OSBPL9: variants seen among roughly 807,000 people sequenced by gnomAD.
OSBPL9 encodes the protein oxysterol-binding protein-related protein 9.
In OSBPL9, 40 loss-of-function variants were observed where a neutral mutation model predicts 106.6. The ratio of observed to expected loss-of-function variants is 0.38; its 90% CI spans 0.29 to 0.49. The LOEUF is 0.49. OSBPL9 is among the 20% of genes least tolerant of loss of function. The pLI, the probability that OSBPL9 is intolerant of heterozygous loss-of-function variation, is 0.97. For missense variants in OSBPL9, 609 were observed against 887.2 expected, an observed-to-expected ratio of 0.69 and a Z score of 3.98; for synonymous variants, 269 against 295.4, an observed-to-expected ratio of 0.91 and a Z score of 0.92.
intron 4 of OSBPL9, among the ~76,000 whole-genome samples, chr1:51,717,528 C>T (rs1571294743): frequency 6.6e-6 from 1 of 152,148 alleles, no homozygotes; most frequent in East Asian, 1.9e-4. Flanking sequence ...CCAGTGGAGA[C>T]CTTCTGGTCT....
At chr1:51,707,576 C>G (rs1056699556) in intron 3 of OSBPL9, 1 of 179,550 alleles carries the variant, frequency 5.6e-6, no homozygotes, top group South Asian at 1.2e-4. Flanking sequence ...GAGGTACCAT[C>G]TACCCACATC....
intron 8 of OSBPL9, 73 bp from the exon 9 acceptor site, chr1:51,756,247 C>T: frequency 7.7e-7 from 1 of 1,300,278 alleles, no homozygotes; most frequent in Admixed American, 1.8e-5. Context: ...AATAAGCTTT[C>T]TTGTAGGAGA....
intron 2 of OSBPL9, among the ~76,000 whole-genome samples, chr1:51,666,150 C>G (rs547435204): frequency 6.6e-6 from 1 of 152,068 alleles, no homozygotes; most frequent in South Asian, 2.1e-4. Context: ...ACCCGGCCTC[C>G]GGAGAAGTTC....
chr1:51,564,052 C>CAAAAAAAAAAAAAAAAAAAAAAAA, the OSBPL9 span, among the ~76,000 whole-genome samples: 10 of 27,376 alleles, frequency 3.7e-4, no homozygotes, highest in East Asian at 1.7e-3. Context: ...GAGATCATCT[C>CAAAAAAAAAAAAAAAAAAAAAAAA]AAAAAAAAAA....
chr1:51,606,246 C>A (rs1156357502), intron 2 of OSBPL9, among the ~76,000 whole-genome samples: 1 of 152,128 alleles, frequency 6.6e-6, no homozygotes, highest in East Asian at 1.9e-4. Flanking sequence ...TTGCCCAGAG[C>A]ACCTTTATCC....
intron 3 of OSBPL9, among the ~76,000 whole-genome samples, chr1:51,702,419 C>G (rs1177489433): frequency 1.3e-5 from 2 of 151,998 alleles, no homozygotes; most frequent in African/African-American, 4.8e-5. Flanking sequence ...CATTTTTTCA[C>G]GTGTCTGTTG....
chr1:51,776,751 T>G, intron 14 of OSBPL9, 82 bp from the exon 15 acceptor site: 2 of 963,266 alleles, frequency 2.1e-6, no homozygotes, highest in Non-Finnish European at 3.2e-6. Context: ...TGGTGTTTTG[T>G]TTTGTTTTCT....
At chr1:51,684,785 C>T (rs531853379) in intron 3 of OSBPL9, among the ~76,000 whole-genome samples, 3 of 152,228 alleles carry the variant, frequency 2.0e-5, no homozygotes, top group South Asian at 4.1e-4. Context: ...CTGCCCACCT[C>T]GGCCTCCCAA....
rs199660329 is a variant in OSBPL9, at chr1:51,609,517, T to TC, written c.-352-4788_-352-4787insC. On this transcript the variant is annotated intron_variant, in intron 2 of 25. Coordinates refer to the OSBPL9 transcript ENST00000371714. ...TGCCACCATGCCTGGCTTTTTTTTT[T>TC]TTTTTTGGTAGAGACAGGGTCTGGC... 1.9e-3 allele frequency among the ~76,000 whole-genome samples: 283 copies of TC among 150,804 alleles called. 7 individuals are homozygous for TC. In the East Asian group the frequency reaches 0.036, roughly 19 times the overall value.
At chr1:51,629,274 T>C (rs1453349500) in intron 1 of OSBPL9, among the ~76,000 whole-genome samples, 2 of 152,210 alleles carry the variant, frequency 1.3e-5, no homozygotes, top group African/African-American at 2.4e-5. Flanking sequence ...TGTTTCTGTC[T>C]TGTATGAATA....
rs763328540 is a variant in OSBPL9, at chr1:51,787,689, C to G, written c.2137-26C>G. ...ACAGAAGTACAAAGCAAATATGTAA[C>G]TAAATTCTTCCTCTTTGTCTTACAG... On this transcript the variant is annotated intron_variant, in intron 23 of 23. Transcript: ENST00000428468. 3.1e-6 allele frequency: 5 copies of G among 1,606,016 alleles called. No homozygotes were observed. The East Asian group carries it at 1.1e-4, about 36-fold the overall frequency.
the OSBPL9 span, among the ~76,000 whole-genome samples, chr1:51,559,981 A>C: frequency 2.6e-5 from 4 of 151,710 alleles, no homozygotes; most frequent in South Asian, 8.3e-4. Context: ...ACCCTTCCCC[A>C]CTCCCCAACA....
chr1:51,785,581 G>T, intron 20 of OSBPL9: 2 of 529,164 alleles, frequency 3.8e-6, no homozygotes, highest in Admixed American at 7.4e-5. Flanking sequence ...AGAATAGGAC[G>T]TTCTTGCCCA....
the OSBPL9 span, among the ~76,000 whole-genome samples, chr1:51,530,724 A>T: frequency 6.6e-6 from 1 of 151,776 alleles, no homozygotes; most frequent in African/African-American, 2.4e-5. Flanking sequence ...ATGGCCTGGC[A>T]CAGTGGCTCA....
chr1:51,684,555 G>A (rs1169428573), intron 3 of OSBPL9, among the ~76,000 whole-genome samples: 1 of 152,178 alleles, frequency 6.6e-6, no homozygotes, highest in East Asian at 1.9e-4. Flanking sequence ...TTTTGAGGTG[G>A]AGTCTTGCTC....
intron 3 of OSBPL9, among the ~76,000 whole-genome samples, chr1:51,694,693 T>C (rs1655664377): frequency 6.6e-6 from 1 of 152,250 alleles, no homozygotes; most frequent in Non-Finnish European, 1.5e-5. Context: ...TACTGAATTA[T>C]ATGGATCTTC....
intron 13 of OSBPL9, among the ~76,000 whole-genome samples, 194 bp downstream of exon 13, chr1:51,772,376 A>G (rs911987913): frequency 1.3e-5 from 2 of 152,162 alleles, no homozygotes; most frequent in African/African-American, 2.4e-5. Flanking sequence ...TTAGCTGGGC[A>G]TGGTGGTGCG....
intron 4 of OSBPL9, chr1:51,740,268 C>G: frequency 6.9e-7 from 1 of 1,439,768 alleles, no homozygotes; most frequent in Non-Finnish European, 9.1e-7. Context: ...GAAAGCTTAT[C>G]TGTGATGCAT....
chr1:51,751,867 G>A (rs569394558), intron 8 of OSBPL9, among the ~76,000 whole-genome samples: 187 of 152,302 alleles, frequency 1.2e-3, no homozygotes, highest in African/African-American at 4.4e-3. Flanking sequence ...ACCTGTCTGT[G>A]TTAGCCCAGC....
Sources: allele counts gnomAD v4.1 joint callset (sites outside exome capture counted in the v4.1 genomes callset), GRCh38; gene constraint gnomAD v4.1.1; transcripts MANE v1.5; gene names NCBI Gene and HGNC (gene_info 2026-07-23, HGNC 2026-07-21).